The following GALNT1 variants were observed in gnomAD, a reference collection of about 807,000 sequenced individuals.
GALNT1 encodes polypeptide N-acetylgalactosaminyltransferase 1, also known as GalNAc transferase 1.
A neutral mutation model predicts 65.7 loss-of-function variants in GALNT1; 17 were observed. The observed-to-expected ratio is 0.26, with a 90% CI of 0.18 to 0.39. The LOEUF (loss-of-function observed/expected upper bound fraction) is 0.39, where lower values mean the gene tolerates loss of function less well. GALNT1 is among the 10% of genes least tolerant of loss of function. GALNT1 has a pLI of 1.00. For missense variants in GALNT1, 460 were observed against 672.8 expected (o/e 0.68, Z 3.50); for synonymous variants, 210 against 219.7 (o/e 0.96, Z 0.39).
intron 9 of GALNT1, among the ~76,000 whole-genome samples, chr18:35,693,409 G>A (rs914690806): frequency 2.6e-5 from 4 of 152,190 alleles, no homozygotes; most frequent in African/African-American, 9.7e-5. Context: ...ATCATATAAA[G>A]CTTTTAGGTT....
intron 1 of GALNT1, among the ~76,000 whole-genome samples, chr18:35,649,478 C>T (rs1370136095): frequency 6.6e-6 from 1 of 152,062 alleles, no homozygotes; most frequent in African/African-American, 2.4e-5. Context: ...AATATTTTCT[C>T]CCAAATTTGT....
chr18:35,689,914 T>TAATCTGA (rs2047930594), intron 7 of GALNT1, among the ~76,000 whole-genome samples: 1 of 152,218 alleles, frequency 6.6e-6, no homozygotes, highest in Non-Finnish European at 1.5e-5. Flanking sequence ...ACGTGTACTG[T>TAATCTGA]AATCTGAACC....
chr18:35,605,262 A>T (rs1037685970), intron 1 of GALNT1, among the ~76,000 whole-genome samples: 2 of 152,028 alleles, frequency 1.3e-5, no homozygotes, highest in African/African-American at 4.8e-5. Flanking sequence ...TAATCCCAGC[A>T]CCTTGGGAGG....
Position 35,607,894 on chromosome 18 carries a change from A to C in GALNT1, c.-104+26032A>C, listed in dbSNP as rs1005883527. On this transcript the variant is annotated intron_variant, in intron 1 of 11. Transcript: ENST00000269195. Reference sequence around the variant, plus strand: ...CTAGTGGTCCATGTACCTAGCAAAAATTGGGGGTTCTGTAACTGCTGGAAG... The same window carrying C: ...CTAGTGGTCCATGTACCTAGCAAAACTTGGGGGTTCTGTAACTGCTGGAAG... 2.6e-5 allele frequency among the ~76,000 whole-genome samples: 4 copies of C among 152,114 alleles called. 1 individual carries two copies. Among genetic ancestry groups the C allele is most frequent in the African/African-American group, 4.8e-5 (2 of 41,418 alleles).
intron 4 of GALNT1, 61 bp downstream of exon 4, chr18:35,677,818 T>C: frequency 8.2e-7 from 1 of 1,225,010 alleles, no homozygotes; most frequent in Non-Finnish European, 1.1e-6. Context: ...CGGTTAAAAC[T>C]AGTTGCTATA....
rs116941242 is a variant in GALNT1 at position 35,656,679 on chromosome 18, C to T, written c.139+1878C>T. 5.4e-4 allele frequency among the ~76,000 whole-genome samples: 83 copies of T among 152,314 alleles called. 1 individual carries two copies. The East Asian group carries it at 0.013, about 24-fold the overall frequency. On this transcript the variant is annotated intron_variant, in intron 2 of 11. Transcript: ENST00000269195. ...ATGGCATGCTAGGGGTTTTGGACTTCATCTGTAGACAGCGGCATGGCGCTG... is the reference window on the plus strand; with the variant it reads ...ATGGCATGCTAGGGGTTTTGGACTTTATCTGTAGACAGCGGCATGGCGCTG...
At chr18:35,616,154 T>A (rs1458588645) in intron 1 of GALNT1, among the ~76,000 whole-genome samples, 1 of 152,222 alleles carries the variant, frequency 6.6e-6, no homozygotes. Context: ...AGCAGAAGAA[T>A]ACATTATAAT....
At chr18:35,639,753 A>G (rs76078496) in intron 1 of GALNT1, among the ~76,000 whole-genome samples, 11 of 152,216 alleles carry the variant, frequency 7.2e-5, no homozygotes, top group African/African-American at 1.2e-4. Context: ...TTTGATTTGT[A>G]GAATTGTTCC....
At chr18:35,619,887 A>G (rs1457547542) in intron 1 of GALNT1, among the ~76,000 whole-genome samples, 1 of 152,122 alleles carries the variant, frequency 6.6e-6, no homozygotes, top group African/African-American at 2.4e-5. Context: ...TAAATAAAAA[A>G]TGTAAAGCCT....
At chr18:35,660,198 A>C (rs2047457288) in intron 2 of GALNT1, among the ~76,000 whole-genome samples, 1 of 151,074 alleles carries the variant, frequency 6.6e-6, no homozygotes, top group Admixed American at 6.6e-5. Flanking sequence ...TTAGCCTTTT[A>C]TTAGTATATT....
intron 1 of GALNT1, among the ~76,000 whole-genome samples, chr18:35,592,839 TATC>T (rs1209444715): frequency 6.6e-6 from 1 of 152,180 alleles, no homozygotes; most frequent in African/African-American, 2.4e-5. Context: ...TGTTTTTCTT[TATC>T]ATCATATGTA....
At chr18:35,622,922 G>A (rs979668165) in intron 1 of GALNT1, among the ~76,000 whole-genome samples, 10 of 151,902 alleles carry the variant, frequency 6.6e-5, no homozygotes, top group Non-Finnish European at 1.5e-4. Context: ...TGTTTTAAGT[G>A]TCTTAAAGGA....
intron 1 of GALNT1, among the ~76,000 whole-genome samples, chr18:35,621,142 G>C (rs1266699481): frequency 3.3e-5 from 5 of 150,838 alleles, no homozygotes; most frequent in Non-Finnish European, 7.4e-5. Context: ...CATATCTTTG[G>C]CCATTTTTCA....
At chr18:35,583,103 G>A (rs774104644) in intron 1 of GALNT1, among the ~76,000 whole-genome samples, 1 of 152,122 alleles carries the variant, frequency 6.6e-6, no homozygotes, top group Non-Finnish European at 1.5e-5. Context: ...GTGAATAAGG[G>A]AGACACAATG....
At chr18:35,660,638 A>G (rs1425341056) in intron 2 of GALNT1, among the ~76,000 whole-genome samples, 1 of 152,212 alleles carries the variant, frequency 6.6e-6, no homozygotes, top group Non-Finnish European at 1.5e-5. Context: ...TACACATAGA[A>G]GACTGGCAGT....
At chr18:35,617,908 ATTAT>A (rs2046805063) in intron 1 of GALNT1, among the ~76,000 whole-genome samples, 1 of 152,158 alleles carries the variant, frequency 6.6e-6, no homozygotes, top group African/African-American at 2.4e-5. Flanking sequence ...TATTTTAAAA[ATTAT>A]TTCTCTCCCT....
intron 3 of GALNT1, among the ~76,000 whole-genome samples, chr18:35,675,632 G>C (rs1400416523): frequency 1.3e-5 from 2 of 152,170 alleles, no homozygotes; most frequent in Non-Finnish European, 2.9e-5. Flanking sequence ...CCTAGCCATA[G>C]ACATGGCTAA....
At chr18:35,701,826 C>T (rs924263522) in intron 9 of GALNT1, among the ~76,000 whole-genome samples, 2 of 152,108 alleles carry the variant, frequency 1.3e-5, no homozygotes, top group African/African-American at 4.8e-5. Context: ...TTTGAACGAA[C>T]CGAGTTTGAG....
intron 1 of GALNT1, among the ~76,000 whole-genome samples, chr18:35,598,828 C>A (rs1447996072): frequency 1.3e-5 from 2 of 152,116 alleles, no homozygotes; most frequent in Non-Finnish European, 2.9e-5. Context: ...AATGGCTGTA[C>A]TAATTTACAT....
Sources: gnomAD v4.1 joint callset for allele counts (sites outside exome capture counted in the v4.1 genomes callset) on GRCh38, gnomAD v4.1.1 for gene constraint, MANE v1.5 for transcripts, NCBI Gene and HGNC (gene_info 2026-07-23, HGNC 2026-07-21) for gene names.